The following HDAC5 variants were observed in gnomAD, a reference collection of about 807,000 sequenced individuals.
The protein encoded by HDAC5 is antigen NY-CO-9.
HDAC5 carries 25 observed loss-of-function variants against 133.3 expected under a neutral mutation model. The ratio of observed to expected loss-of-function variants is 0.19; its 90% CI spans 0.14 to 0.26. HDAC5 has a LOEUF of 0.26. HDAC5 is among the 10% of genes least tolerant of loss of function. The pLI, the probability that HDAC5 is intolerant of heterozygous loss-of-function variation, is 1.00. For synonymous variants in HDAC5, 589 were observed against 610.8 expected (o/e 0.96, Z 0.53); for missense variants, 1,041 against 1,460.5 (o/e 0.71, Z 4.68).
intron 11 of HDAC5, among the ~76,000 whole-genome samples, chr17:44,089,529 G>A (rs1403652984): frequency 3.3e-5 from 5 of 152,272 alleles, no homozygotes; most frequent in African/African-American, 9.6e-5. Flanking sequence ...TGGACCATCT[G>A]AGGTCAGGAG....
chr17:44,087,583 C>T lies in HDAC5; in HGVS notation c.1713G>A (p.Met571Ile). 1 of 1,614,124 alleles carries T rather than the reference C, an allele frequency of 6.2e-7. No homozygotes were observed. Among genetic ancestry groups the T allele is most frequent in the Non-Finnish European group, 8.5e-7 (1 of 1,179,998 alleles). The part of the protein sequence containing the change: ...EVLLGEGALT[M>I]PREGSTESES... The stretch of plus-strand genomic sequence containing the variant: ...CACTCTCTGTGGAGCCCTCCCGGGG[C>T]ATGGTCAGGGCTCCCTCCCCCAGCA... The change falls in exon 13 of 27, where the codon ATG (methionine) becomes ATA (isoleucine). Residue 571 changes from methionine to isoleucine, a missense_variant. By Grantham distance (10) the Met-to-Ile change is conservative. This residue lies in a region of HDAC5 where 433 missense variants were observed against 531.6 expected (regional missense o/e 0.81). Coordinates refer to ENST00000682912, the MANE Select transcript of HDAC5 (RefSeq NM_005474.5).
intron 2 of HDAC5, among the ~76,000 whole-genome samples, chr17:44,116,353 G>T (rs2052644787): frequency 6.6e-6 from 1 of 152,214 alleles, no homozygotes; most frequent in African/African-American, 2.4e-5. Flanking sequence ...GAGCTGGGCA[G>T]CCCACCTGTC....
intron 2 of HDAC5, among the ~76,000 whole-genome samples, chr17:44,114,764 TGAG>T (rs765347503): frequency 1.3e-5 from 2 of 152,118 alleles, no homozygotes; most frequent in Non-Finnish European, 1.5e-5. Context: ...TCAGCCCCAC[TGAG>T]GAGAACATGC....
rs927411109 is a variant in HDAC5, at chr17:44,077,634, C to T, written c.*742G>A. 1 of 152,310 alleles carries T rather than the reference C, an allele frequency of 6.6e-6. No homozygotes were observed. Among genetic ancestry groups the T allele is most frequent in the African/African-American group, 2.4e-5 (1 of 41,468 alleles). The allele number at this position is 152,310 out of a possible 1,614,324, so 9.4% of individuals were successfully genotyped here. On this transcript the variant is annotated 3_prime_UTR_variant, in exon 27 of 27. Coordinates refer to ENST00000682912, the MANE Select transcript of HDAC5 (RefSeq NM_005474.5). ...GTGGGGAGCAGACCTGGTTCTGTTA[C>T]TCCTCCTGGCCCCTGAGAACCCAGG...
chr17:44,096,649 T>A (rs1227475303), intron 3 of HDAC5, among the ~76,000 whole-genome samples: 1 of 151,846 alleles, frequency 6.6e-6, no homozygotes, highest in Non-Finnish European at 1.5e-5. Flanking sequence ...AATTTTTTTG[T>A]ATTTTTAGTA....
chr17:44,108,081 G>A (rs1180401404), intron 3 of HDAC5, among the ~76,000 whole-genome samples: 1 of 152,180 alleles, frequency 6.6e-6, no homozygotes. Flanking sequence ...GATGATGGTG[G>A]TGCCCACTGT....
chr17:44,085,285 T>G, intron 14 of HDAC5, 130 bp from the exon 15 acceptor site: 2 of 852,460 alleles, frequency 2.3e-6, no homozygotes, highest in East Asian at 3.0e-5. Context: ...CCATGGCCAC[T>G]GCAGCCACCC....
chr17:44,109,596 C>CAT (rs1484248394), intron 3 of HDAC5, among the ~76,000 whole-genome samples: 1 of 152,250 alleles, frequency 6.6e-6, no homozygotes, highest in East Asian at 1.9e-4. Flanking sequence ...GATGATAAGC[C>CAT]ATGTTCCAAA....
chr17:44,084,940 G>T, intron 15 of HDAC5, 82 bp downstream of exon 15: 3 of 1,497,668 alleles, frequency 2.0e-6, no homozygotes, highest in Non-Finnish European at 2.7e-6. Context: ...GGATGAGGAA[G>T]AAGCATGAAG....
intron 2 of HDAC5, among the ~76,000 whole-genome samples, chr17:44,113,277 G>C (rs1483301251): frequency 1.3e-5 from 2 of 152,172 alleles, no homozygotes; most frequent in African/African-American, 4.8e-5. Context: ...AGGACTTCCT[G>C]CTTAGGGAAG....
At chr17:44,085,228 A>C (rs2050590372) in intron 14 of HDAC5, 73 bp from the exon 15 acceptor site, 4 of 1,422,498 alleles carry the variant, frequency 2.8e-6, no homozygotes, top group Non-Finnish European at 3.8e-6. Flanking sequence ...CATGATCCTC[A>C]GCAGGGCTCA....
intron 2 of HDAC5, among the ~76,000 whole-genome samples, chr17:44,112,531 G>C (rs1298982281): frequency 6.6e-6 from 1 of 152,040 alleles, no homozygotes; most frequent in African/African-American, 2.4e-5. Flanking sequence ...CCCCACTCCA[G>C]GCATGGAGCC....
chr17:44,109,892 C>T (rs998933162), intron 3 of HDAC5, among the ~76,000 whole-genome samples: 8 of 152,218 alleles, frequency 5.3e-5, no homozygotes, highest in South Asian at 4.1e-4. Context: ...CTTGTGGTGC[C>T]GGCCTGGTGG....
rs1192195191 is a variant in HDAC5 at position 44,080,013 on chromosome 17, C to T, written c.2944+94G>A. On this transcript the variant is annotated intron_variant, in intron 23 of 26. Transcript: ENST00000682912. ...AGGCCCTGCCCCCTGCTTTCCCCGT[C>T]TGCTGCAATATCAGTCTGTTCCCTG... 4 of 913,796 alleles carry T rather than the reference C, an allele frequency of 4.4e-6. No individual in the cohort carries two copies. In the Admixed American group the frequency reaches 6.9e-5, roughly 16 times the overall value. 56.6% of individuals were successfully genotyped at this position (913,796 alleles called of 1,614,324 possible).
In HDAC5 at chr17:44,096,808, G is replaced by A. The variant is rs1163595396; in HGVS notation, c.95-2974C>T. Among the ~76,000 whole-genome samples, 6 of 151,080 alleles carry A rather than the reference G, an allele frequency of 4.0e-5. No homozygotes were observed. In the South Asian group the frequency reaches 6.3e-4, roughly 16 times the overall value. ...TAGATGGAGTCTCACTGCAACCTCC[G>A]CCTCCTGGGTTCAAGCAATTCTCCT... On this transcript the variant is annotated intron_variant, in intron 3 of 26. Coordinates refer to ENST00000682912, the MANE Select transcript of HDAC5 (RefSeq NM_005474.5).
chr17:44,080,315 C>T, intron 22 of HDAC5, 86 bp downstream of exon 22: 3 of 1,543,188 alleles, frequency 1.9e-6, no homozygotes, highest in Non-Finnish European at 2.7e-6. Flanking sequence ...CCCCTCTACC[C>T]ACACTGAACT....
Position 44,117,360 on chromosome 17 carries a change from C to T in HDAC5, c.22+134G>A, listed in dbSNP as rs1000122668. ...ACCTCATGGGCCCTTTCTTGCAACA[C>T]TTCTCCACTCCTTACCCCCTCATTC... On this transcript the variant is annotated intron_variant, in intron 2 of 26. Coordinates refer to ENST00000682912, the MANE Select transcript of HDAC5 (RefSeq NM_005474.5). This position sits in a 1 kb window ranked among gnomAD's most constrained non-coding sequence, Gnocchi z 4.2. The T allele has an allele frequency of 4.0e-5, 40 of 1,004,780 alleles. No individual in the cohort carries two copies. Among genetic ancestry groups the T allele is most frequent in the Non-Finnish European group, 5.8e-5 (37 of 633,986 alleles). The allele number at this position is 1,004,780 out of a possible 1,614,324, so 62.2% of individuals were successfully genotyped here.
intron 3 of HDAC5, among the ~76,000 whole-genome samples, chr17:44,101,336 G>A (rs938109945): frequency 3.8e-4 from 57 of 149,190 alleles, no homozygotes; most frequent in African/African-American, 7.3e-4. Flanking sequence ...GCATGAACCC[G>A]GGAGGTGGAG....
chr17:44,109,390 G>A (rs1209497341), intron 3 of HDAC5, among the ~76,000 whole-genome samples: 1 of 152,068 alleles, frequency 6.6e-6, no homozygotes, highest in Non-Finnish European at 1.5e-5. Context: ...CCAGGCATAC[G>A]CCCCTACCTC....
Sources: allele counts gnomAD v4.1 joint callset (sites outside exome capture counted in the v4.1 genomes callset), GRCh38; gene constraint gnomAD v4.1.1; regional missense constraint gnomAD v4.1.1; non-coding constraint Gnocchi (gnomAD v3.1); transcripts MANE v1.5; gene names NCBI Gene and HGNC (gene_info 2026-07-23, HGNC 2026-07-21).